The following AOPEP variants were observed in gnomAD, a reference collection of about 807,000 sequenced individuals.
AOPEP encodes aminopeptidase O.
Under a neutral mutation model 98.1 loss-of-function variants are expected in AOPEP, and 77 were observed. The ratio of observed to expected loss-of-function variants is 0.78; its 90% CI spans 0.65 to 0.95. AOPEP has a LOEUF of 0.95. Among genes scored for constraint, AOPEP ranks in the 40% least tolerant of loss-of-function variants. The probability of loss-of-function intolerance (pLI) is 0.00; values close to 1 mark genes in which losing one functional copy is unlikely to be tolerated. For synonymous variants in AOPEP, 346 were observed against 365.3 expected (o/e 0.95, Z 0.60); for missense variants, 1,024 against 1,024.7 (o/e 1.00, Z 0.01).
intron 7 of AOPEP, among the ~76,000 whole-genome samples, chr9:94,939,922 C>T (rs907124942): frequency 2.0e-5 from 3 of 152,140 alleles, no homozygotes; most frequent in Non-Finnish European, 4.4e-5. Flanking sequence ...TGATTGAATC[C>T]AAGCATGGAG....
intron 5 of AOPEP, among the ~76,000 whole-genome samples, chr9:94,840,050 G>C (rs2042100510): frequency 6.6e-6 from 1 of 152,200 alleles, no homozygotes; most frequent in African/African-American, 2.4e-5. Flanking sequence ...TTACAGGTGT[G>C]AGCCACCTCG....
At chr9:95,033,398 C>T (rs903941455) in intron 13 of AOPEP, among the ~76,000 whole-genome samples, 10 of 152,100 alleles carry the variant, frequency 6.6e-5, no homozygotes, top group African/African-American at 2.4e-4. Flanking sequence ...TTTCCCTCTC[C>T]TCCCTCCCTG....
At chr9:94,819,546 G>T (rs1852510591) in intron 5 of AOPEP, among the ~76,000 whole-genome samples, 1 of 152,200 alleles carries the variant, frequency 6.6e-6, no homozygotes, top group South Asian at 2.1e-4. Context: ...GGCCAGAATG[G>T]AATGTCTCAA....
intron 11 of AOPEP, among the ~76,000 whole-genome samples, chr9:95,003,348 C>CA (rs2061691855): frequency 6.6e-6 from 1 of 152,038 alleles, no homozygotes; most frequent in Admixed American, 6.5e-5. Context: ...TTGTTTCTTC[C>CA]AAGACTGTAT....
chr9:94,884,906 G>C (rs2048023648), intron 5 of AOPEP, among the ~76,000 whole-genome samples: 1 of 150,556 alleles, frequency 6.6e-6, no homozygotes, highest in South Asian at 2.1e-4. Flanking sequence ...CTACTCGGGA[G>C]GCTGAGGCAG....
rs560693372 is a variant in AOPEP at position 94,947,143 on chromosome 9, A to ATT, written c.1662-8024_1662-8023dup. Among the ~76,000 whole-genome samples the ATT allele has an allele frequency of 9.8e-5, 14 of 142,216 alleles. No homozygotes were observed. In the South Asian group the frequency reaches 1.1e-3, roughly 11 times the overall value. The allele number at this position is 142,216 out of a possible 152,430, so 93.3% of individuals were successfully genotyped here. On this transcript the variant is annotated intron_variant, in intron 7 of 16. Transcript: ENST00000375315. ...AGGCGCCTGCCACCACGCCCGGCTA[A>ATT]TTTTTTTTTTTGTATTTTTATTAGA... is the stretch of plus-strand genomic sequence containing the variant.
chr9:94,754,494 A>T (rs1836550273), intron 1 of AOPEP, among the ~76,000 whole-genome samples: 1 of 152,236 alleles, frequency 6.6e-6, no homozygotes, highest in Non-Finnish European at 1.5e-5. Flanking sequence ...AAAGAGGCAC[A>T]GGTGTATCCT....
intron 1 of AOPEP, among the ~76,000 whole-genome samples, chr9:94,737,069 C>CTGT (rs1385356465): frequency 1.3e-5 from 2 of 151,910 alleles, no homozygotes; most frequent in Non-Finnish European, 2.9e-5. Flanking sequence ...TGTCAACAGG[C>CTGT]TGTTAATTTT....
chr9:95,121,896 C>T, the AOPEP span, among the ~76,000 whole-genome samples: 3,155 of 147,226 alleles, frequency 0.021, 122 homozygotes, highest in African/African-American at 0.075. Flanking sequence ...CTCGCTCTGT[C>T]GCCCAGGCTG....
chr9:94,751,139 G>A (rs1419371207), intron 1 of AOPEP, among the ~76,000 whole-genome samples: 4 of 152,036 alleles, frequency 2.6e-5, no homozygotes, highest in Non-Finnish European at 5.9e-5. Context: ...CTTTCTCTCC[G>A]GTGGAAAACT....
At chr9:95,086,430 G>C in intron 16 of AOPEP, 1 of 985,370 alleles carries the variant, frequency 1.0e-6, no homozygotes, top group Non-Finnish European at 1.2e-6. Context: ...GTCTGAAATG[G>C]GTACTCCTAG....
At chr9:94,801,030 G>A (rs1848103957) in intron 5 of AOPEP, 28 bp downstream of exon 5, 2 of 1,609,840 alleles carry the variant, frequency 1.2e-6, no homozygotes, top group Non-Finnish European at 1.7e-6. Flanking sequence ...GGCACTTGGG[G>A]TACATACATT....
intron 4 of AOPEP, among the ~76,000 whole-genome samples, chr9:94,797,566 AT>A (rs1170394598): frequency 1.3e-5 from 2 of 152,158 alleles, no homozygotes; most frequent in Admixed American, 1.3e-4. Flanking sequence ...ATTTGTTTAT[AT>A]TTTAAGTATA....
intron 3 of AOPEP, among the ~76,000 whole-genome samples, chr9:94,784,266 A>T (rs903424205): frequency 9.9e-5 from 15 of 152,216 alleles, no homozygotes; most frequent in Non-Finnish European, 1.6e-4. Flanking sequence ...TAGGACACTG[A>T]CTTTTCATAA....
chr9:95,027,481 TG>T (rs1275664230), intron 13 of AOPEP, among the ~76,000 whole-genome samples: 2 of 152,206 alleles, frequency 1.3e-5, no homozygotes, highest in East Asian at 1.9e-4. Context: ...TGAGGAGTGA[TG>T]TTTTTGGTAT....
At chr9:94,897,360 A>G (rs1182060695) in intron 5 of AOPEP, among the ~76,000 whole-genome samples, 1 of 152,190 alleles carries the variant, frequency 6.6e-6, no homozygotes, top group Non-Finnish European at 1.5e-5. Flanking sequence ...TTATTGAGAC[A>G]TCCGATTCAC....
At chr9:95,114,611 T>C in the AOPEP span, 2 of 1,605,090 alleles carry the variant, frequency 1.2e-6, no homozygotes, top group South Asian at 1.1e-5. Context: ...GATTTGGGAG[T>C]GGTCAGTGTT....
chr9:95,104,331 G>C, the AOPEP span, among the ~76,000 whole-genome samples: 8 of 152,254 alleles, frequency 5.3e-5, no homozygotes, highest in Non-Finnish European at 1.0e-4. Context: ...ATCCGTCCCT[G>C]ACAGAGTCAG....
chr9:95,078,744 T>C (rs1285415372), intron 14 of AOPEP, among the ~76,000 whole-genome samples: 1 of 152,236 alleles, frequency 6.6e-6, no homozygotes, highest in East Asian at 1.9e-4. Flanking sequence ...ATGACACCTC[T>C]GCTGGTGTGT....
Sources: gnomAD v4.1 joint callset for allele counts (sites outside exome capture counted in the v4.1 genomes callset) on GRCh38, gnomAD v4.1.1 for gene constraint, MANE v1.5 for transcripts, NCBI Gene and HGNC (gene_info 2026-07-23, HGNC 2026-07-21) for gene names.